Variants in CADM2 observed in about 807,000 individuals in gnomAD.
The protein encoded by CADM2 is immunoglobulin superfamily member 4D.
A neutral mutation model predicts 49.8 loss-of-function variants in CADM2; 12 were observed. That is an observed-to-expected ratio of 0.24 (90% CI 0.15 to 0.39). CADM2 has a LOEUF of 0.39. Ranked by LOEUF, CADM2 falls within the 10% of genes least tolerant of loss-of-function variation. The pLI is 1.00. For synonymous variants in CADM2, 214 were observed against 175.4 expected, an observed-to-expected ratio of 1.22 and a Z score of -1.74; for missense variants, 378 against 492.3, an observed-to-expected ratio of 0.77 and a Z score of 2.20.
chr3:85,734,845 G>A (rs1055884432), intron 2 of CADM2, among the ~76,000 whole-genome samples: 13 of 150,474 alleles, frequency 8.6e-5, no homozygotes, highest in African/African-American at 3.2e-4. Flanking sequence ...GGGAATCCAA[G>A]TTTTAAAAAC....
intron 1 of CADM2, among the ~76,000 whole-genome samples, chr3:85,583,704 A>G (rs749260656): frequency 7.2e-5 from 11 of 152,146 alleles, no homozygotes; most frequent in Non-Finnish European, 1.6e-4. Context: ...CAAACCTTTT[A>G]AAAAGGGTAA....
chr3:85,610,025 C>T (rs1288180467), intron 1 of CADM2, among the ~76,000 whole-genome samples: 1 of 151,608 alleles, frequency 6.6e-6, no homozygotes, highest in Non-Finnish European at 1.5e-5. Context: ...TGTTTAGTCC[C>T]CAAATCTGAT....
At chr3:85,614,458 A>T (rs1407933534) in intron 1 of CADM2, among the ~76,000 whole-genome samples, 2 of 151,814 alleles carry the variant, frequency 1.3e-5, no homozygotes, top group Non-Finnish European at 2.9e-5. Context: ...AAATTAATAT[A>T]ATGGGTTTAA....
At chr3:85,835,071 G>T (rs1210680359) in intron 3 of CADM2, among the ~76,000 whole-genome samples, 2 of 151,558 alleles carry the variant, frequency 1.3e-5, no homozygotes, top group Non-Finnish European at 3.0e-5. Flanking sequence ...TAAGATAAAA[G>T]AGTAAAGAAA....
intron 1 of CADM2, among the ~76,000 whole-genome samples, chr3:85,256,819 A>G (rs2042896321): frequency 6.6e-6 from 1 of 152,126 alleles, no homozygotes; most frequent in Non-Finnish European, 1.5e-5. Context: ...ACAATGTACA[A>G]ACAGTTATAT....
rs543886322 is a variant in CADM2, at chr3:85,337,532, A to G, written c.61+377864A>G. On this transcript the variant is annotated intron_variant, in intron 1 of 9. Coordinates refer to ENST00000383699, the MANE Select transcript of CADM2 (RefSeq NM_001167675.2). ...TAGTTACCCTTTCTGGCTTTCAAATAACCATTTATCATAGGATTTCTGCTC... is the reference window on the plus strand; with the variant it reads ...TAGTTACCCTTTCTGGCTTTCAAATGACCATTTATCATAGGATTTCTGCTC... 9.2e-5 allele frequency among the ~76,000 whole-genome samples: 14 copies of G among 151,508 alleles called. No individual in the cohort carries two copies. In the East Asian group the frequency reaches 2.7e-3, roughly 29 times the overall value.
At chr3:85,419,689 CT>C (rs1468767888) in intron 1 of CADM2, among the ~76,000 whole-genome samples, 1 of 151,876 alleles carries the variant, frequency 6.6e-6, no homozygotes, top group Admixed American at 6.6e-5. Context: ...GATTTTTTTC[CT>C]TATTTTTCAT....
intron 1 of CADM2, among the ~76,000 whole-genome samples, chr3:85,449,052 A>AAATAATAATAATAATAATAATAAT (rs55971962): frequency 0.02 from 2,153 of 107,388 alleles, 21 homozygotes; most frequent in African/African-American, 0.023. Flanking sequence ...TCCAACTCAA[A>AAATAATAATAATAATAATAATAAT]AATAATAATA....
intron 1 of CADM2, among the ~76,000 whole-genome samples, chr3:85,427,805 ATAGT>A (rs1182724399): frequency 6.6e-6 from 1 of 152,098 alleles, no homozygotes; most frequent in Non-Finnish European, 1.5e-5. Context: ...TTTCCTACTA[ATAGT>A]TAGTTGCATT....
intron 1 of CADM2, among the ~76,000 whole-genome samples, chr3:85,049,744 TA>T (rs1391265517): frequency 6.6e-6 from 1 of 152,166 alleles, no homozygotes; most frequent in Non-Finnish European, 1.5e-5. Flanking sequence ...AAAACAGCTT[TA>T]AAAAATAAAT....
intron 1 of CADM2, among the ~76,000 whole-genome samples, chr3:85,655,834 A>G (rs1476991198): frequency 6.6e-6 from 1 of 152,182 alleles, no homozygotes; most frequent in Non-Finnish European, 1.5e-5. Flanking sequence ...GTGAGATAGA[A>G]TTCAATAGCA....
intron 1 of CADM2, among the ~76,000 whole-genome samples, chr3:85,038,048 A>C (rs2107352214): frequency 6.6e-6 from 1 of 152,266 alleles, no homozygotes; most frequent in African/African-American, 2.4e-5. Flanking sequence ...AAAATAAGCA[A>C]AGTAAAAATA....
intron 1 of CADM2, among the ~76,000 whole-genome samples, chr3:85,706,536 A>G (rs981603134): frequency 6.6e-6 from 1 of 152,162 alleles, no homozygotes; most frequent in African/African-American, 2.4e-5. Flanking sequence ...TAAAGTTGGT[A>G]CCTTTGTATC....
At position 85,211,905 on chromosome 3, in the gene CADM2, G is replaced by T. The variant is rs2041789020; in HGVS notation, c.61+252237G>T. On this transcript the variant is annotated intron_variant, in intron 1 of 9. Transcript: ENST00000383699. Reference sequence around the variant, plus strand: ...GAAGTCTCAGCTCCTATTGTTTTGGGGTCTGTCCCTCTCTTATCTCAAATA... The same window carrying T: ...GAAGTCTCAGCTCCTATTGTTTTGGTGTCTGTCCCTCTCTTATCTCAAATA... Among the ~76,000 whole-genome samples the T allele has an allele frequency of 3.3e-5, 5 of 151,872 alleles. No individual in the cohort carries two copies. In the South Asian group the frequency reaches 1.0e-3, roughly 32 times the overall value.
chr3:85,757,154 A>G (rs1047616536), intron 2 of CADM2, among the ~76,000 whole-genome samples: 2 of 152,168 alleles, frequency 1.3e-5, no homozygotes, highest in Non-Finnish European at 2.9e-5. Flanking sequence ...GAAATTTACT[A>G]TAAGCCTAGA....
intron 1 of CADM2, among the ~76,000 whole-genome samples, chr3:85,377,745 G>A (rs1219973381): frequency 6.6e-6 from 1 of 151,994 alleles, no homozygotes; most frequent in Non-Finnish European, 1.5e-5. Flanking sequence ...AAAGTTAATA[G>A]CTACAGGAGT....
intron 1 of CADM2, among the ~76,000 whole-genome samples, chr3:85,437,404 T>C (rs534697537): frequency 6.6e-5 from 10 of 152,204 alleles, no homozygotes; most frequent in African/African-American, 2.2e-4. Flanking sequence ...GAAAAGGATG[T>C]TAAGCTTTGT....
At chr3:85,189,050 T>TAATA (rs1202755883) in intron 1 of CADM2, among the ~76,000 whole-genome samples, 4 of 126,424 alleles carry the variant, frequency 3.2e-5, no homozygotes, top group East Asian at 2.2e-4. Flanking sequence ...ATAATAGTAA[T>TAATA]AATAAATAAA....
chr3:85,641,770 CAAA>C, intron 1 of CADM2, among the ~76,000 whole-genome samples: 2 of 144,740 alleles, frequency 1.4e-5, no homozygotes, highest in Non-Finnish European at 3.0e-5. Context: ...ACTAAAAATA[CAAA>C]AAAAAAAAAT....
Sources: allele counts gnomAD v4.1 joint callset (sites outside exome capture counted in the v4.1 genomes callset), GRCh38; gene constraint gnomAD v4.1.1; transcripts MANE v1.5; gene names NCBI Gene and HGNC (gene_info 2026-07-23, HGNC 2026-07-21).